Variants in ACADM observed in about 807,000 individuals in gnomAD.
ACADM encodes medium-chain specific acyl-CoA dehydrogenase, mitochondrial.
ACADM carries 49 observed loss-of-function variants against 58.9 expected under a neutral mutation model. The ratio of observed to expected loss-of-function variants is 0.83; its 90% CI spans 0.66 to 1.06. The LOEUF is 1.06. ACADM is among the 50% of genes least tolerant of loss of function. The pLI, the probability that ACADM is intolerant of heterozygous loss-of-function variation, is 0.00. For synonymous variants in ACADM, 160 were observed against 157.7 expected, an observed-to-expected ratio of 1.01 and a Z score of -0.11; for missense variants, 496 against 507.0, an observed-to-expected ratio of 0.98 and a Z score of 0.21.
chr1:75,737,277 CAAATATATATATAT>C (rs1647302119), intron 6 of ACADM, among the ~76,000 whole-genome samples: 2 of 64,954 alleles, frequency 3.1e-5, no homozygotes, highest in Non-Finnish European at 5.1e-5. Context: ...CACACACACA[CAAATATATATATAT>C]ATATATATAT....
At chr1:75,738,977 G>A (rs1048546768) in intron 6 of ACADM, among the ~76,000 whole-genome samples, 2 of 151,988 alleles carry the variant, frequency 1.3e-5, no homozygotes, top group Admixed American at 6.6e-5. Context: ...AAAGATTCTC[G>A]TCGACCATTT....
In ACADM at chr1:75,761,193, A is replaced by G. The variant is rs1205844600; in HGVS notation, c.1017A>G (p.Arg339=). The change falls in exon 11 of 12, where the codon AGA becomes AGG. Residue 339 remains arginine, a synonymous_variant. Transcript: ENST00000370841. ...AACTAGCTAGAATGAGTTACCAGAG[A>G]GCAGCTTGGGAGGTTGATTCTGGTC... ...KVELARMSYQ[R]AAWEVDSGRR... 2.5e-6 allele frequency: 4 copies of G among 1,614,092 alleles called. No individual in the cohort carries two copies. The highest frequency in any genetic ancestry group is 1.6e-4 in the Middle Eastern group (1 of 6,062).
At position 75,743,382 on chromosome 1, in the gene ACADM, C is replaced by T. The variant is rs1278396733; in HGVS notation, c.600-2424C>T. 3.8e-6 allele frequency: 6 copies of T among 1,596,428 alleles called. No homozygotes were observed. The African/African-American group carries it at 8.0e-5, about 21-fold the overall frequency. On this transcript the variant is annotated intron_variant, in intron 7 of 11. Coordinates refer to ENST00000370841, the MANE Select transcript of ACADM (RefSeq NM_000016.6). Reference sequence around the variant, plus strand: ...ACAGGGAGAAGACTGGTTTTCAGTTCCTGCATGATCAATTTGTAGGGTGTG... The same window carrying T: ...ACAGGGAGAAGACTGGTTTTCAGTTTCTGCATGATCAATTTGTAGGGTGTG...
chr1:75,737,279 A>AATATATATAT (rs368688785), intron 6 of ACADM, among the ~76,000 whole-genome samples: 24 of 43,114 alleles, frequency 5.6e-4, no homozygotes, highest in East Asian at 3.2e-3. Flanking sequence ...CACACACACA[A>AATATATATAT]ATATATATAT....
chr1:75,753,763 C>T (rs538999249), intron 10 of ACADM, among the ~76,000 whole-genome samples: 1 of 134,884 alleles, frequency 7.4e-6, no homozygotes, highest in Non-Finnish European at 1.6e-5. Context: ...ATTTGCTTAT[C>T]TTTTAAGCAC....
At chr1:75,733,088 A>G in intron 4 of ACADM, 166 bp downstream of exon 4, 2 of 1,613,014 alleles carry the variant, frequency 1.2e-6, no homozygotes, top group East Asian at 2.2e-5. Context: ...CTTGCACTCT[A>G]TACCTAGATG....
intron 1 of ACADM, among the ~76,000 whole-genome samples, chr1:75,727,502 T>A (rs1002011071): frequency 6.6e-6 from 1 of 152,236 alleles, no homozygotes; most frequent in African/African-American, 2.4e-5. Flanking sequence ...GGTTCCCAGT[T>A]TGGCAGCTTT....
At position 75,732,691 on chromosome 1, in the gene ACADM, G is replaced by C. The variant is rs1424560976; in HGVS notation, c.166G>C (p.Ala56Pro). 1 of 1,614,046 alleles carries C rather than the reference G, an allele frequency of 6.2e-7. No individual in the cohort carries two copies. The highest frequency in any genetic ancestry group is 8.5e-7 in the Non-Finnish European group (1 of 1,179,980). Residue 56 changes from alanine to proline, a missense_variant, in exon 3 of 12, where the codon GCC (alanine) becomes CCC (proline). Ala to Pro is a conservative substitution (Grantham distance 27). Transcript: ENST00000370841. ...ATTTCAAGCTACTGCTCGTAAATTT[G>C]CCAGAGAGGAAATCATCCCAGTGGC... ...KEFQATARKF[A>P]REEIIPVAAE...
At chr1:75,746,169 A>G (rs554537848) in intron 8 of ACADM, among the ~76,000 whole-genome samples, 8 of 152,196 alleles carry the variant, frequency 5.3e-5, no homozygotes, top group Non-Finnish European at 1.0e-4. Flanking sequence ...ATGAAGTAAA[A>G]TCAAGCTATC....
At chr1:75,753,795 C>CTTTTT (rs71071962) in intron 10 of ACADM, among the ~76,000 whole-genome samples, 7 of 81,900 alleles carry the variant, frequency 8.5e-5, no homozygotes, top group Admixed American at 2.8e-4. Flanking sequence ...CTGATAGCTT[C>CTTTTT]TTTTTTTTTT....
chr1:75,740,595 G>A (rs894833944), intron 7 of ACADM, among the ~76,000 whole-genome samples: 1 of 151,896 alleles, frequency 6.6e-6, no homozygotes, highest in African/African-American at 2.4e-5. Flanking sequence ...CAAAAAATAT[G>A]AAGTTCAACA....
At chr1:75,740,136 T>C in intron 7 of ACADM, 26 bp downstream of exon 7, 3 of 1,592,296 alleles carry the variant, frequency 1.9e-6, no homozygotes, top group Non-Finnish European at 2.6e-6. Flanking sequence ...CATCTTTGTA[T>C]ATTTTTTCTT....
At chr1:75,759,083 G>A (rs1648676754) in intron 10 of ACADM, among the ~76,000 whole-genome samples, 1 of 152,102 alleles carries the variant, frequency 6.6e-6, no homozygotes, top group Admixed American at 6.6e-5. Flanking sequence ...AAGAAACTCT[G>A]GACACATCTG....
At chr1:75,734,309 G>C (rs60550898) in intron 5 of ACADM, among the ~76,000 whole-genome samples, 2 of 149,174 alleles carry the variant, frequency 1.3e-5, no homozygotes, top group Non-Finnish European at 3.0e-5. Context: ...GACTACAGGC[G>C]CCCGCCACCA....
At chr1:75,746,622 A>G (rs1004804646) in intron 8 of ACADM, among the ~76,000 whole-genome samples, 9 of 147,296 alleles carry the variant, frequency 6.1e-5, no homozygotes, top group African/African-American at 2.3e-4. Flanking sequence ...TTTTTGAGAC[A>G]GCGTCTCGCT....
At chr1:75,734,219 AGT>A (rs1312889686) in intron 5 of ACADM, among the ~76,000 whole-genome samples, 1 of 140,948 alleles carries the variant, frequency 7.1e-6, no homozygotes, top group Non-Finnish European at 1.5e-5. Context: ...GCTGGAGTGC[AGT>A]GGCGCGATCT....
chr1:75,743,422 A>T, intron 7 of ACADM: 4 of 1,609,948 alleles, frequency 2.5e-6, no homozygotes, highest in Non-Finnish European at 3.4e-6. Flanking sequence ...TTCCTCCTAA[A>T]GATCAAAGAG....
intron 2 of ACADM, among the ~76,000 whole-genome samples, chr1:75,730,751 T>C (rs1249071565): frequency 6.6e-6 from 1 of 151,974 alleles, no homozygotes; most frequent in Non-Finnish European, 1.5e-5. Flanking sequence ...GGCCCCAAAC[T>C]CCTGGCCTCA....
intron 2 of ACADM, among the ~76,000 whole-genome samples, chr1:75,731,364 C>T (rs1326415184): frequency 1.3e-5 from 2 of 148,548 alleles, no homozygotes. Context: ...TGTATTGTTT[C>T]TCACATCCCC....
Sources: allele counts gnomAD v4.1 joint callset (sites outside exome capture counted in the v4.1 genomes callset), GRCh38; gene constraint gnomAD v4.1.1; transcripts MANE v1.5; gene names NCBI Gene and HGNC (gene_info 2026-07-23, HGNC 2026-07-21).